Variants in PACRG observed in about 807,000 individuals in gnomAD.
The protein encoded by PACRG is parkin coregulated, also known as parkin coregulated gene protein.
A neutral mutation model predicts 29.7 loss-of-function variants in PACRG; 29 were observed. That is an observed-to-expected ratio of 0.98 (90% CI 0.73 to 1.33). The LOEUF is 1.33. PACRG is among the 40% of genes most tolerant of loss of function. The pLI is 0.00. For synonymous variants in PACRG, 116 were observed against 118.7 expected, an observed-to-expected ratio of 0.98 and a Z score of 0.15; for missense variants, 279 against 316.2, an observed-to-expected ratio of 0.88 and a Z score of 0.89.
chr6:163,309,764 C>T (rs1411321487), intron 4 of PACRG, among the ~76,000 whole-genome samples: 1 of 152,180 alleles, frequency 6.6e-6, no homozygotes, highest in Non-Finnish European at 1.5e-5. Flanking sequence ...ACTCTCCTCC[C>T]GTGGACCTGA....
chr6:162,940,795 A>T (rs925279555), intron 2 of PACRG, among the ~76,000 whole-genome samples: 1 of 152,136 alleles, frequency 6.6e-6, no homozygotes, highest in Non-Finnish European at 1.5e-5. Flanking sequence ...AGATGACAAC[A>T]ACAGTTTTTT....
chr6:162,965,501 G>A (rs749799251), intron 2 of PACRG, among the ~76,000 whole-genome samples: 6 of 152,140 alleles, frequency 3.9e-5, no homozygotes, highest in Admixed American at 3.9e-4. Flanking sequence ...AAATGGTGAG[G>A]GATCTGTTTT....
chr6:162,989,160 A>G (rs755189007), intron 2 of PACRG, among the ~76,000 whole-genome samples: 48 of 152,188 alleles, frequency 3.2e-4, no homozygotes, highest in Non-Finnish European at 1.6e-4. Context: ...CATAGACATA[A>G]GCATAAGAAA....
chr6:162,816,662 G>A (rs1787377509), intron 2 of PACRG, among the ~76,000 whole-genome samples: 1 of 152,134 alleles, frequency 6.6e-6, no homozygotes, highest in Non-Finnish European at 1.5e-5. Flanking sequence ...AAGACATTAA[G>A]ATTGTTAAAC....
intron 2 of PACRG, among the ~76,000 whole-genome samples, chr6:162,838,111 T>C (rs968883343): frequency 6.6e-6 from 1 of 152,190 alleles, no homozygotes; most frequent in East Asian, 1.9e-4. Flanking sequence ...CCTATCTTAG[T>C]TGACTTATTA....
At chr6:162,796,289 C>G (rs183206399) in intron 1 of PACRG, among the ~76,000 whole-genome samples, 1 of 151,994 alleles carries the variant, frequency 6.6e-6, no homozygotes, top group African/African-American at 2.4e-5. Flanking sequence ...TTAGCACAGA[C>G]GTGTTTTTCT....
At chr6:162,732,718 A>G (rs1160183689) in intron 1 of PACRG, among the ~76,000 whole-genome samples, 1 of 152,220 alleles carries the variant, frequency 6.6e-6, no homozygotes, top group Non-Finnish European at 1.5e-5. Flanking sequence ...CTAGGCTTGT[A>G]CAATATCATC....
intron 2 of PACRG, among the ~76,000 whole-genome samples, chr6:162,913,779 A>T (rs1302371039): frequency 1.3e-5 from 2 of 152,176 alleles, no homozygotes; most frequent in Admixed American, 6.5e-5. Flanking sequence ...GTGACTGAGC[A>T]TGTCCTTGAT....
intron 4 of PACRG, among the ~76,000 whole-genome samples, chr6:163,178,480 A>T (rs2128351878): frequency 6.6e-6 from 1 of 152,234 alleles, no homozygotes; most frequent in African/African-American, 2.4e-5. Context: ...TAATCTTGAG[A>T]CACAGACACA....
chr6:162,748,101 A>G lies in PACRG; in HGVS notation c.156+19710A>G, dbSNP rs73013706. 7.1e-3 allele frequency among the ~76,000 whole-genome samples: 1,075 copies of G among 152,286 alleles called. 9 individuals are homozygous for G. Among genetic ancestry groups the G allele is most frequent in the Non-Finnish European group, 0.013 (869 of 68,002 alleles). ...CCATAGATCTCACCTCTCTAACTCT[A>G]GTCAATCACTCAGTGATAAGTGGCA... On this transcript the variant is annotated intron_variant, in intron 1 of 4. Coordinates refer to ENST00000366888, the MANE Select transcript of PACRG (RefSeq NM_001080379.2).
At chr6:163,064,513 C>T (rs1341967941) in intron 3 of PACRG, among the ~76,000 whole-genome samples, 3 of 152,154 alleles carry the variant, frequency 2.0e-5, no homozygotes, top group Non-Finnish European at 2.9e-5. Flanking sequence ...TTCTGCTATT[C>T]GATACTGATC....
chr6:163,296,004 C>T (rs902844935), intron 4 of PACRG, among the ~76,000 whole-genome samples: 26 of 152,164 alleles, frequency 1.7e-4, no homozygotes, highest in African/African-American at 5.1e-4. Context: ...AAACCCCACG[C>T]AGTTCTAAGC....
chr6:162,939,657 T>G (rs1798477062), intron 2 of PACRG, among the ~76,000 whole-genome samples: 1 of 142,908 alleles, frequency 7.0e-6, no homozygotes, highest in South Asian at 2.4e-4. Context: ...TCCATTAATT[T>G]TACATCTCCT....
chr6:163,201,146 G>GAA (rs34492004), intron 4 of PACRG, among the ~76,000 whole-genome samples: 1 of 152,042 alleles, frequency 6.6e-6, no homozygotes, highest in South Asian at 2.1e-4. Flanking sequence ...GAAACATAGG[G>GAA]AAAAAATATT....
At chr6:163,234,508 G>A (rs1287906238) in intron 4 of PACRG, among the ~76,000 whole-genome samples, 1 of 152,098 alleles carries the variant, frequency 6.6e-6, no homozygotes, top group Non-Finnish European at 1.5e-5. Context: ...TTTCTTGTAT[G>A]GCCTGCAGAG....
chr6:162,884,004 C>T (rs953398038), intron 2 of PACRG, among the ~76,000 whole-genome samples: 2 of 152,058 alleles, frequency 1.3e-5, no homozygotes, highest in Non-Finnish European at 2.9e-5. Context: ...AATGTGCAAT[C>T]GTAGCTTACC....
chr6:162,845,391 C>CTT, intron 2 of PACRG, among the ~76,000 whole-genome samples: 1 of 138,142 alleles, frequency 7.2e-6, no homozygotes, highest in Middle Eastern at 3.8e-3. Flanking sequence ...ATTTTTTTTT[C>CTT]TTTTTTTTTT....
At chr6:163,086,495 G>A (rs1813570764) in intron 3 of PACRG, among the ~76,000 whole-genome samples, 1 of 152,128 alleles carries the variant, frequency 6.6e-6, no homozygotes, top group Non-Finnish European at 1.5e-5. Flanking sequence ...TTGGTTCCCT[G>A]AGTGAAGGCT....
At chr6:163,093,604 G>A (rs1814313046) in intron 4 of PACRG, among the ~76,000 whole-genome samples, 1 of 152,148 alleles carries the variant, frequency 6.6e-6, no homozygotes, top group African/African-American at 2.4e-5. Flanking sequence ...CGACAGGCCT[G>A]TTTACCATAT....
Sources: gnomAD v4.1 joint callset for allele counts (sites outside exome capture counted in the v4.1 genomes callset) on GRCh38, gnomAD v4.1.1 for gene constraint, MANE v1.5 for transcripts, NCBI Gene and HGNC (gene_info 2026-07-23, HGNC 2026-07-21) for gene names.